The following DLGAP1 variants were observed in gnomAD, a reference collection of about 807,000 sequenced individuals.
The protein encoded by DLGAP1 is DLG associated protein 1.
DLGAP1 carries 11 observed loss-of-function variants against 90.8 expected under a neutral mutation model. That is an observed-to-expected ratio of 0.12 (90% CI 0.08 to 0.20). DLGAP1 has a LOEUF of 0.20. Among genes scored for constraint, DLGAP1 ranks in the 10% least tolerant of loss-of-function variants. The pLI is 1.00. For missense variants in DLGAP1, 1,050 were observed against 1,333.8 expected (o/e 0.79, Z 3.31); for synonymous variants, 558 against 540.7 (o/e 1.03, Z -0.44).
intron 1 of DLGAP1, among the ~76,000 whole-genome samples, chr18:4,338,643 C>T (rs1307128222): frequency 1.3e-5 from 2 of 152,170 alleles, no homozygotes; most frequent in African/African-American, 4.8e-5. Flanking sequence ...GAGGAGTGTA[C>T]ATTCTTTGTA....
intron 1 of DLGAP1, among the ~76,000 whole-genome samples, chr18:4,381,960 G>GC (rs1279957535): frequency 1.3e-5 from 2 of 152,130 alleles, no homozygotes; most frequent in Non-Finnish European, 2.9e-5. Flanking sequence ...GGGAGTGATA[G>GC]CCAAGTGAAA....
rs563034946 is a variant in DLGAP1 at position 4,414,197 on chromosome 18, C to T, written c.-267+40809G>A. On this transcript the variant is annotated intron_variant, in intron 1 of 12. Transcript: ENST00000315677. ...AGAATACAAACATTCAATAATATGG[C>T]AACTATCTGCATCAGGAAAATAAGA... Among the ~76,000 whole-genome samples the T allele has an allele frequency of 3.3e-5, 5 of 152,116 alleles. No homozygotes were observed. In the East Asian group the frequency reaches 7.7e-4, roughly 23 times the overall value.
rs867228363 is a variant in DLGAP1, at chr18:3,600,965, T to C, written c.1592-18717A>G. Among the ~76,000 whole-genome samples, 8 of 44,292 alleles carry C rather than the reference T, an allele frequency of 1.8e-4. 1 individual carries two copies. Among genetic ancestry groups the C allele is most frequent in the Non-Finnish European group, 3.9e-4 (8 of 20,448 alleles). 29.1% of individuals were successfully genotyped at this position (44,292 alleles called of 152,430 possible). ...ATAGATATATAGATATATATAGATA[T>C]ATAGATAGATATATAGATATAGATA... is the stretch of plus-strand genomic sequence containing the variant. On this transcript the variant is annotated intron_variant, in intron 7 of 12. Coordinates refer to ENST00000315677, the MANE Select transcript of DLGAP1 (RefSeq NM_004746.4).
chr18:4,107,263 A>G (rs1033878278), intron 2 of DLGAP1, among the ~76,000 whole-genome samples: 6 of 152,316 alleles, frequency 3.9e-5, no homozygotes, highest in South Asian at 2.1e-4. Flanking sequence ...CAGCCTTTCT[A>G]TAAGGCCTGA....
chr18:3,727,829 C>G lies in DLGAP1; in HGVS notation c.1591+1306G>C, dbSNP rs940906063. The stretch of plus-strand genomic sequence containing the variant: ...AAGAATATACGGACATCTACCATCT[C>G]TGGTCTGGAGGTAGCCAGCCAGGGT... On this transcript the variant is annotated intron_variant, in intron 7 of 12. Coordinates refer to ENST00000315677, the MANE Select transcript of DLGAP1 (RefSeq NM_004746.4). This position sits in a 1 kb window ranked among gnomAD's most constrained non-coding sequence, Gnocchi z 4.7. The G allele has an allele frequency of 6.6e-6, 1 of 152,136 alleles. No homozygotes were observed. The highest frequency in any genetic ancestry group is 2.4e-5 in the African/African-American group (1 of 41,412). 9.4% of individuals were successfully genotyped at this position (152,136 alleles called of 1,614,324 possible). A position where few individuals can be genotyped will look rare whatever the true frequency, so the allele number is the denominator to read the frequency against.
chr18:3,608,576 TA>T (rs1297402800), intron 7 of DLGAP1, among the ~76,000 whole-genome samples: 1 of 152,176 alleles, frequency 6.6e-6, no homozygotes, highest in Non-Finnish European at 1.5e-5. Flanking sequence ...GCTCAGAACA[TA>T]ATGCCCTAAA....
intron 3 of DLGAP1, among the ~76,000 whole-genome samples, chr18:3,989,682 C>G (rs2073921152): frequency 6.6e-6 from 1 of 152,212 alleles, no homozygotes; most frequent in African/African-American, 2.4e-5. Flanking sequence ...AAACCACCAT[C>G]AGAGTGAACA....
intron 3 of DLGAP1, among the ~76,000 whole-genome samples, chr18:3,920,229 G>C (rs956261644): frequency 6.6e-6 from 1 of 151,786 alleles, no homozygotes; most frequent in Non-Finnish European, 1.5e-5. Flanking sequence ...TGTAGTCCTA[G>C]CTACTCAGGA....
chr18:4,125,749 T>G (rs1389540900), intron 2 of DLGAP1, among the ~76,000 whole-genome samples: 2 of 152,156 alleles, frequency 1.3e-5, no homozygotes. Context: ...GAAACTAGAT[T>G]GAAGTTGACA....
At chr18:4,007,312 G>A (rs148502700) in intron 2 of DLGAP1, among the ~76,000 whole-genome samples, 1 of 152,102 alleles carries the variant, frequency 6.6e-6, no homozygotes. Context: ...GAGCATTTGA[G>A]TTCCAACCCC....
chr18:3,602,593 CAAAAAAAAAAAAA>C (rs71159102), intron 7 of DLGAP1, among the ~76,000 whole-genome samples: 18 of 66,702 alleles, frequency 2.7e-4, no homozygotes, highest in Admixed American at 2.0e-4. Context: ...AGACTCCGTC[CAAAAAAAAAAAAA>C]AAAAAAAAAA....
intron 2 of DLGAP1, among the ~76,000 whole-genome samples, chr18:4,018,260 G>C (rs2074554643): frequency 6.6e-6 from 1 of 152,196 alleles, no homozygotes; most frequent in Admixed American, 6.5e-5. Flanking sequence ...GATCGGGTGG[G>C]AGGGGCACGC....
At chr18:4,370,446 C>A (rs1408065368) in intron 1 of DLGAP1, among the ~76,000 whole-genome samples, 1 of 152,198 alleles carries the variant, frequency 6.6e-6, no homozygotes, top group African/African-American at 2.4e-5. Flanking sequence ...ATGGTAATTA[C>A]TGAGATCACT....
In DLGAP1 at chr18:4,274,947, C is replaced by T. The variant is rs147824597; in HGVS notation, c.-266-123660G>A. ...ATGGGAACAAATTGGTAAGATGCTA[C>T]TAAATAATATTTTTGAAATTTAAGA... On this transcript the variant is annotated intron_variant, in intron 1 of 12. Transcript: ENST00000315677. Among the ~76,000 whole-genome samples the T allele has an allele frequency of 5.6e-3, 851 of 152,142 alleles. 10 individuals are homozygous for T. The highest frequency in any genetic ancestry group is 0.019 in the African/African-American group (778 of 41,498).
At chr18:3,803,699 T>C (rs2066421076) in intron 5 of DLGAP1, among the ~76,000 whole-genome samples, 1 of 151,846 alleles carries the variant, frequency 6.6e-6, no homozygotes, top group Admixed American at 6.6e-5. Flanking sequence ...GGAGAGAAAG[T>C]AGAGGGCTGG....
intron 2 of DLGAP1, among the ~76,000 whole-genome samples, chr18:4,059,083 C>T (rs1053713431): frequency 6.6e-6 from 1 of 152,084 alleles, no homozygotes; most frequent in South Asian, 2.1e-4. Flanking sequence ...AGTGGTAAGA[C>T]CAGTACATTT....
intron 7 of DLGAP1, among the ~76,000 whole-genome samples, chr18:3,632,592 C>T (rs927736837): frequency 6.6e-6 from 1 of 152,186 alleles, no homozygotes; most frequent in Non-Finnish European, 1.5e-5. Flanking sequence ...TGTGAGCCAT[C>T]ATGCCCATCC....
At chr18:4,404,926 T>A (rs2082631925) in intron 1 of DLGAP1, among the ~76,000 whole-genome samples, 1 of 152,152 alleles carries the variant, frequency 6.6e-6, no homozygotes, top group Non-Finnish European at 1.5e-5. Flanking sequence ...TTGAAATAAA[T>A]GCTAAAAATA....
At chr18:4,088,160 T>C (rs1402279847) in intron 2 of DLGAP1, among the ~76,000 whole-genome samples, 1 of 152,270 alleles carries the variant, frequency 6.6e-6, no homozygotes, top group Non-Finnish European at 1.5e-5. Flanking sequence ...TTTTTTCCTA[T>C]TGCATTTATG....
Sources: gnomAD v4.1 joint callset for allele counts (sites outside exome capture counted in the v4.1 genomes callset) on GRCh38, gnomAD v4.1.1 for gene constraint, Gnocchi (gnomAD v3.1) non-coding constraint, MANE v1.5 for transcripts, NCBI Gene and HGNC (gene_info 2026-07-23, HGNC 2026-07-21) for gene names.